XKR4: variants seen among roughly 807,000 people sequenced by gnomAD.
The protein encoded by XKR4 is XK related 4, also known as XK-related protein 4.
A neutral mutation model predicts 53.9 loss-of-function variants in XKR4; 12 were observed. The observed-to-expected ratio is 0.22, with a 90% CI of 0.14 to 0.36. XKR4 has a LOEUF of 0.36. XKR4 is among the 10% of genes least tolerant of loss of function. The pLI, the probability that XKR4 is intolerant of heterozygous loss-of-function variation, is 1.00. For missense variants in XKR4, 799 were observed against 859.5 expected, an observed-to-expected ratio of 0.93 and a Z score of 0.88; for synonymous variants, 354 against 362.4, an observed-to-expected ratio of 0.98 and a Z score of 0.26.
At chr8:55,183,387 A>G (rs548597927) in intron 1 of XKR4, among the ~76,000 whole-genome samples, 2 of 151,640 alleles carry the variant, frequency 1.3e-5, no homozygotes, top group African/African-American at 2.4e-5. Flanking sequence ...ACTTTTCTCT[A>G]ATGCTGCTTT....
chr8:55,102,474 C>T lies in XKR4; in HGVS notation c.-15C>T, dbSNP rs201525548. On this transcript the variant is annotated 5_prime_UTR_variant, in exon 1 of 3. Transcript: ENST00000327381. The surrounding 1 kb of genome is among the most constrained non-coding windows in gnomAD (Gnocchi z 5.1). Reference sequence around the variant, plus strand: ...TGTCAGATAAAGGAGGGCTCTCCTCCGGTGTGGAGGCATCATGGCCGCTAA... The same window carrying T: ...TGTCAGATAAAGGAGGGCTCTCCTCTGGTGTGGAGGCATCATGGCCGCTAA... 2 of 1,537,578 alleles carry T rather than the reference C, an allele frequency of 1.3e-6. No individual in the cohort carries two copies. Among genetic ancestry groups the T allele is most frequent in the East Asian group, 5.3e-5 (2 of 37,586 alleles).
intron 1 of XKR4, among the ~76,000 whole-genome samples, chr8:55,301,897 C>T (rs1389501707): frequency 2.0e-5 from 3 of 152,010 alleles, no homozygotes; most frequent in African/African-American, 7.3e-5. Flanking sequence ...GGATATTAGC[C>T]CTTTGTCAGA....
chr8:55,531,099 TTTCTAA>T lies in XKR4; in HGVS notation c.*6873_*6878del, dbSNP rs1445031728. On this transcript the variant is annotated 3_prime_UTR_variant, in exon 3 of 3. Transcript: ENST00000327381. ...ATTGAAGCAAGAAAGAAACACAGCT[TTTCTAA>T]GACTATGCAGTCATGTGTCACTTAA... 2.0e-5 allele frequency: 3 copies of T among 152,186 alleles called. No individual in the cohort carries two copies. Among genetic ancestry groups the T allele is most frequent in the Non-Finnish European group, 4.4e-5 (3 of 68,024 alleles). The allele number at this position is 152,186 out of a possible 1,614,324, so 9.4% of individuals were successfully genotyped here. A position where few individuals can be genotyped will look rare whatever the true frequency, so the allele number is the denominator to read the frequency against.
chr8:55,403,234 A>G (rs1478749294), intron 2 of XKR4, among the ~76,000 whole-genome samples: 1 of 152,222 alleles, frequency 6.6e-6, no homozygotes, highest in Non-Finnish European at 1.5e-5. Flanking sequence ...TTCTATGTAC[A>G]TCTTTTTTAA....
chr8:55,154,358 G>A (rs931256331), intron 1 of XKR4, among the ~76,000 whole-genome samples: 4 of 152,150 alleles, frequency 2.6e-5, no homozygotes, highest in African/African-American at 9.7e-5. Flanking sequence ...CTTGTGTTGT[G>A]ATGCTTTCCA....
At chr8:55,505,604 C>T (rs995256265) in intron 2 of XKR4, among the ~76,000 whole-genome samples, 1 of 152,030 alleles carries the variant, frequency 6.6e-6, no homozygotes, top group Non-Finnish European at 1.5e-5. Flanking sequence ...GTTTAATTTC[C>T]ATGTATTTGT....
chr8:55,210,850 A>C (rs1008338649), intron 1 of XKR4, among the ~76,000 whole-genome samples: 2 of 152,190 alleles, frequency 1.3e-5, no homozygotes, highest in Non-Finnish European at 2.9e-5. Flanking sequence ...CATTTGCATA[A>C]GGTGTGCATT....
At chr8:55,276,717 T>C (rs371580386) in intron 1 of XKR4, among the ~76,000 whole-genome samples, 8 of 152,356 alleles carry the variant, frequency 5.3e-5, no homozygotes, top group South Asian at 4.1e-4. Context: ...ACTATTTCAG[T>C]AAATATTGGG....
chr8:55,379,805 G>A (rs1442508934), intron 2 of XKR4, among the ~76,000 whole-genome samples: 2 of 152,214 alleles, frequency 1.3e-5, no homozygotes, highest in Non-Finnish European at 2.9e-5. Context: ...CTGGGGCAGA[G>A]GCCCTCCCCT....
chr8:55,275,557 C>A (rs753497614), intron 1 of XKR4, among the ~76,000 whole-genome samples: 14 of 152,162 alleles, frequency 9.2e-5, no homozygotes, highest in Non-Finnish European at 1.8e-4. Flanking sequence ...TTCAACCCCA[C>A]GACCTTTCTT....
At chr8:55,172,689 AGTCT>A (rs1363527679) in intron 1 of XKR4, among the ~76,000 whole-genome samples, 1 of 152,246 alleles carries the variant, frequency 6.6e-6, no homozygotes, top group Non-Finnish European at 1.5e-5. Context: ...TCAGGTTTAC[AGTCT>A]GTCTGTTCAT....
rs1241069563 is a variant in XKR4, at chr8:55,534,020, T to C, written c.*9793T>C. The C allele has an allele frequency of 6.6e-6, 1 of 152,216 alleles. No individual in the cohort carries two copies. The highest frequency in any genetic ancestry group is 1.5e-5 in the Non-Finnish European group (1 of 68,034). 9.4% of individuals were successfully genotyped at this position (152,216 alleles called of 1,614,324 possible). Reference sequence around the variant, plus strand: ...AACGGAGTACTGGGTCGTGGAGACTTGCTTTAAATGGATTCAAATCCACAT... The same window carrying C: ...AACGGAGTACTGGGTCGTGGAGACTCGCTTTAAATGGATTCAAATCCACAT... On this transcript the variant is annotated 3_prime_UTR_variant, in exon 3 of 3. Coordinates refer to ENST00000327381, the MANE Select transcript of XKR4 (RefSeq NM_052898.2).
At chr8:55,428,183 A>G (rs1204397853) in intron 2 of XKR4, among the ~76,000 whole-genome samples, 2 of 152,210 alleles carry the variant, frequency 1.3e-5, no homozygotes, top group South Asian at 2.1e-4. Flanking sequence ...GACATTATAT[A>G]TAAAGCAAAC....
intron 2 of XKR4, among the ~76,000 whole-genome samples, chr8:55,412,077 T>C (rs1489287188): frequency 1.3e-5 from 2 of 152,132 alleles, no homozygotes; most frequent in African/African-American, 4.8e-5. Context: ...CTCAGATCTG[T>C]GGCTGGCAGC....
At chr8:55,449,832 A>T in intron 2 of XKR4, 1 of 1,114,240 alleles carries the variant, frequency 9.0e-7, no homozygotes, top group South Asian at 1.2e-5. Flanking sequence ...CCCTCGTAGG[A>T]CCTGTTCTCA....
At chr8:55,452,666 A>G in intron 2 of XKR4, 1 of 1,432,322 alleles carries the variant, frequency 7.0e-7, no homozygotes, top group Non-Finnish European at 9.8e-7. Flanking sequence ...TGGTGACCCC[A>G]CTCTCTGTGC....
intron 2 of XKR4, among the ~76,000 whole-genome samples, chr8:55,429,046 TGAA>T (rs1486185077): frequency 1.3e-5 from 2 of 152,218 alleles, no homozygotes. Flanking sequence ...GTGGTATTGC[TGAA>T]GAAACAGACA....
At chr8:55,403,720 G>T (rs374957446) in intron 2 of XKR4, among the ~76,000 whole-genome samples, 1 of 152,214 alleles carries the variant, frequency 6.6e-6, no homozygotes, top group African/African-American at 2.4e-5. Flanking sequence ...TGCTGTCAGA[G>T]CTTCCACTAG....
intron 2 of XKR4, among the ~76,000 whole-genome samples, chr8:55,520,255 T>C (rs1398182249): frequency 6.6e-6 from 1 of 152,252 alleles, no homozygotes; most frequent in Non-Finnish European, 1.5e-5. Flanking sequence ...ATTTGTCTTA[T>C]AAAAATCAAT....
Sources: allele counts gnomAD v4.1 joint callset (sites outside exome capture counted in the v4.1 genomes callset), GRCh38; gene constraint gnomAD v4.1.1; non-coding constraint Gnocchi (gnomAD v3.1); transcripts MANE v1.5; gene names NCBI Gene and HGNC (gene_info 2026-07-23, HGNC 2026-07-21).